Variants in WDR27 observed in about 807,000 individuals in gnomAD.
The protein encoded by WDR27 is WD repeat-containing protein 27.
WDR27 carries 100 observed loss-of-function variants against 114.4 expected under a neutral mutation model. The observed-to-expected ratio is 0.87, with a 90% confidence interval of 0.74 to 1.03. The LOEUF is 1.03. Among genes scored for constraint, WDR27 ranks in the 50% least tolerant of loss-of-function variants. WDR27 has a pLI of 0.00. For missense variants in WDR27, 1,129 were observed against 1,092.9 expected (o/e 1.03, Z -0.47); for synonymous variants, 449 against 423.1 (o/e 1.06, Z -0.75).
chr6:169,549,856 G>C (rs1292918138), intron 25 of WDR27, among the ~76,000 whole-genome samples: 3 of 152,212 alleles, frequency 2.0e-5, no homozygotes, highest in Admixed American at 6.5e-5. Context: ...ACCAGTGGTT[G>C]ACAGGAGTTA....
chr6:169,551,265 A>G (rs891622524), intron 25 of WDR27, among the ~76,000 whole-genome samples: 2 of 152,114 alleles, frequency 1.3e-5, no homozygotes, highest in African/African-American at 4.8e-5. Context: ...TGGGACTCAT[A>G]AGGCTCCAAT....
chr6:169,632,829 A>G, intron 21 of WDR27, 118 bp downstream of exon 21: 2 of 979,766 alleles, frequency 2.0e-6, no homozygotes. Flanking sequence ...TGATCAATAA[A>G]AATTAACATT....
At chr6:169,650,791 T>C (rs747702556) in intron 14 of WDR27, among the ~76,000 whole-genome samples, 2 of 146,426 alleles carry the variant, frequency 1.4e-5, no homozygotes, top group Admixed American at 6.7e-5. Flanking sequence ...CATCTCTCCA[T>C]CCCTCCACCC....
chr6:169,583,500 TATATGTATATATACACACACAC>T (rs1562630489), intron 23 of WDR27, among the ~76,000 whole-genome samples: 40 of 30,848 alleles, frequency 1.3e-3, no homozygotes, highest in African/African-American at 2.0e-3. Context: ...TATATATATA[TATATGTATATATACACACACAC>T]ACACACACAC....
At chr6:169,446,759 CCT>C in the WDR27 span, among the ~76,000 whole-genome samples, 1 of 152,170 alleles carries the variant, frequency 6.6e-6, no homozygotes, top group Non-Finnish European at 1.5e-5. Context: ...ACAAGAATTT[CCT>C]GACTCAGAAT....
intron 1 of WDR27, among the ~76,000 whole-genome samples, chr6:169,693,096 C>T (rs1172461898): frequency 1.3e-5 from 2 of 152,174 alleles, no homozygotes; most frequent in Non-Finnish European, 2.9e-5. Flanking sequence ...GAGACAAAAG[C>T]ATCAGGTAAT....
chr6:169,627,193 G>A (rs2128208210), intron 21 of WDR27, among the ~76,000 whole-genome samples: 1 of 152,254 alleles, frequency 6.6e-6, no homozygotes, highest in East Asian at 1.9e-4. Flanking sequence ...AATTAAATGG[G>A]ACAAGAATGA....
intron 21 of WDR27, among the ~76,000 whole-genome samples, chr6:169,632,207 A>G (rs972290662): frequency 7.9e-5 from 12 of 151,898 alleles, no homozygotes; most frequent in African/African-American, 2.2e-4. Context: ...AAAAAAAAAA[A>G]AAGAAGACGC....
chr6:169,650,438 T>G (rs1284202059), intron 14 of WDR27, among the ~76,000 whole-genome samples: 1 of 132,908 alleles, frequency 7.5e-6, no homozygotes, highest in African/African-American at 2.9e-5. Flanking sequence ...CCACCTCTCA[T>G]CTCTCCATCC....
Position 169,658,272 on chromosome 6 carries a change from T to A in WDR27, c.1402+4A>T, listed in dbSNP as rs762332402. On this transcript the variant is annotated splice_donor_region_variant and intron_variant, in intron 13 of 25. Transcript: ENST00000448612. ...TCTTAGATCTCACAGCACCCTGTAC[T>A]GACCACGTCGCTGTTCACTAGCAGC... The A allele has an allele frequency of 6.3e-7, 1 of 1,595,426 alleles. No individual in the cohort carries two copies. The highest frequency in any genetic ancestry group is 8.5e-7 in the Non-Finnish European group (1 of 1,170,674).
At chr6:169,605,712 C>T (rs552322212) in intron 22 of WDR27, among the ~76,000 whole-genome samples, 9 of 151,874 alleles carry the variant, frequency 5.9e-5, no homozygotes, top group African/African-American at 1.7e-4. Context: ...TCAAATTATA[C>T]TACAAGGTTA....
At chr6:169,667,064 C>T in intron 6 of WDR27, 72 bp downstream of exon 6, 1 of 1,409,558 alleles carries the variant, frequency 7.1e-7, no homozygotes. Flanking sequence ...CATCTTATGC[C>T]CTGTAATATG....
chr6:169,502,973 T>C (rs1175285216), intron 25 of WDR27, among the ~76,000 whole-genome samples: 1 of 152,196 alleles, frequency 6.6e-6, no homozygotes, highest in Non-Finnish European at 1.5e-5. Context: ...TACTGGCAGC[T>C]AATTCCATGA....
chr6:169,697,179 T>C (rs901723443), intron 1 of WDR27, among the ~76,000 whole-genome samples: 1 of 152,338 alleles, frequency 6.6e-6, no homozygotes, highest in Non-Finnish European at 1.5e-5. Context: ...ATTATAATAA[T>C]ACTCGCTCTA....
chr6:169,664,300 G>C lies in WDR27; in HGVS notation c.784-14C>G, dbSNP rs2128280444. On this transcript the variant is annotated splice_polypyrimidine_tract_variant and intron_variant, in intron 7 of 25. Coordinates refer to ENST00000448612, the MANE Select transcript of WDR27 (RefSeq NM_182552.5). ...GAAGATCCAAAGCTACAAAAGCAAA[G>C]AAGATGCAGACATGGCGCTGCAGCA... The C allele has an allele frequency of 6.2e-7, 1 of 1,613,698 alleles. No individual in the cohort carries two copies. The highest frequency in any genetic ancestry group is 2.2e-5 in the East Asian group (1 of 44,876).
intron 24 of WDR27, among the ~76,000 whole-genome samples, chr6:169,578,149 T>C (rs932093116): frequency 6.6e-6 from 1 of 152,158 alleles, no homozygotes; most frequent in African/African-American, 2.4e-5. Context: ...GAAACGCAGG[T>C]CCTTCTGAGA....
downstream of WDR27, among the ~76,000 whole-genome samples, chr6:169,453,991 G>T (rs1386382879): frequency 6.6e-6 from 1 of 152,178 alleles, no homozygotes; most frequent in Non-Finnish European, 1.5e-5. Flanking sequence ...GTTGGCAGCT[G>T]CAGTGTGTTC....
intron 25 of WDR27, among the ~76,000 whole-genome samples, chr6:169,489,245 G>C (rs1583734371): frequency 6.6e-6 from 1 of 152,220 alleles, no homozygotes; most frequent in East Asian, 1.9e-4. Context: ...CGTGCACACA[G>C]GCTGTAAGAC....
intron 5 of WDR27, chr6:169,667,454 C>T (rs1034304124): frequency 1.5e-5 from 14 of 928,240 alleles, no homozygotes; most frequent in Non-Finnish European, 1.8e-5. Context: ...AGGTGAAAAA[C>T]AGTTCCCAGG....
Sources: gnomAD v4.1 joint callset for allele counts (sites outside exome capture counted in the v4.1 genomes callset) on GRCh38, gnomAD v4.1.1 for gene constraint, MANE v1.5 for transcripts, NCBI Gene and HGNC (gene_info 2026-07-23, HGNC 2026-07-21) for gene names.